Variants in PDE5A observed in about 807,000 individuals in gnomAD.
The protein encoded by PDE5A is phosphodiesterase 5A, also known as cGMP-specific 3',5'-cyclic phosphodiesterase.
PDE5A carries 67 observed loss-of-function variants against 110.2 expected under a neutral mutation model. That is an observed-to-expected ratio of 0.61 (90% CI 0.50 to 0.75). The LOEUF is 0.75. Among genes scored for constraint, PDE5A ranks in the 30% least tolerant of loss-of-function variants. The probability of loss-of-function intolerance (pLI) is 0.00; values close to 1 mark genes in which losing one functional copy is unlikely to be tolerated. For missense variants in PDE5A, 862 were observed against 1,045.1 expected (o/e 0.82, Z 2.42); for synonymous variants, 328 against 351.2 (o/e 0.93, Z 0.74).
At chr4:119,608,299 A>C (rs1404840125) in intron 1 of PDE5A, among the ~76,000 whole-genome samples, 1 of 152,210 alleles carries the variant, frequency 6.6e-6, no homozygotes, top group East Asian at 1.9e-4. Context: ...CCCTACTATG[A>C]AAGAAACTCA....
intron 3 of PDE5A, among the ~76,000 whole-genome samples, chr4:119,579,143 C>T (rs1376763742): frequency 3.3e-5 from 5 of 152,178 alleles, no homozygotes; most frequent in Middle Eastern, 3.4e-3. Context: ...AATGAGATAC[C>T]ATCTCACACC....
intron 3 of PDE5A, among the ~76,000 whole-genome samples, chr4:119,574,679 G>A (rs1728268551): frequency 6.6e-6 from 1 of 152,006 alleles, no homozygotes; most frequent in Non-Finnish European, 1.5e-5. Context: ...GCTAAAAGCT[G>A]GTTTCTTGGA....
intron 3 of PDE5A, among the ~76,000 whole-genome samples, chr4:119,575,432 G>A (rs1165643664): frequency 2.0e-5 from 3 of 152,236 alleles, no homozygotes; most frequent in African/African-American, 7.2e-5. Context: ...AGGACAGCCA[G>A]AGAGAAAGGT....
chr4:119,506,804 C>T (rs1269484651), intron 16 of PDE5A, among the ~76,000 whole-genome samples: 2 of 151,886 alleles, frequency 1.3e-5, no homozygotes, highest in Non-Finnish European at 2.9e-5. Flanking sequence ...CATGCAGTTA[C>T]TTCTAGATGT....
At chr4:119,614,426 C>A (rs1228338874) in intron 1 of PDE5A, among the ~76,000 whole-genome samples, 2 of 152,088 alleles carry the variant, frequency 1.3e-5, no homozygotes, top group African/African-American at 2.4e-5. Flanking sequence ...TCTGGCCACT[C>A]CAGTCATTCT....
At chr4:119,570,369 T>C (rs1217292036) in intron 3 of PDE5A, among the ~76,000 whole-genome samples, 2 of 152,204 alleles carry the variant, frequency 1.3e-5, no homozygotes, top group East Asian at 3.8e-4. Context: ...CTAAAAGCAT[T>C]AGCTTCCATA....
chr4:119,500,381 T>C (rs935535555), intron 20 of PDE5A: 4 of 151,542 alleles, frequency 2.6e-5, no homozygotes, highest in Non-Finnish European at 5.9e-5. Flanking sequence ...GAGTGAGAAC[T>C]GGACTGTAGA....
In PDE5A at chr4:119,524,088, A is replaced by G. The variant is rs1033513690; in HGVS notation, c.1779+1461T>C. 4.5e-4 allele frequency among the ~76,000 whole-genome samples: 68 copies of G among 152,140 alleles called. 3 individuals carry two copies. The highest frequency in any genetic ancestry group is 1.3e-4 in the Non-Finnish European group (9 of 68,002). On this transcript the variant is annotated intron_variant, in intron 12 of 20. Transcript: ENST00000354960. ...ACTCTACACCTGTTTGTTAAACAGAATATTATAGATAAGTACATACATACA... is the reference window on the plus strand; with the variant it reads ...ACTCTACACCTGTTTGTTAAACAGAGTATTATAGATAAGTACATACATACA...
intron 1 of PDE5A, among the ~76,000 whole-genome samples, chr4:119,616,290 C>T (rs184816476): frequency 2.2e-4 from 33 of 152,186 alleles, no homozygotes; most frequent in Middle Eastern, 3.4e-3. Context: ...CTTTTCCATA[C>T]GGAGCAAGCA....
At position 119,560,287 on chromosome 4, in the gene PDE5A, T is replaced by G. The variant is rs1391239861; in HGVS notation, c.1199+9A>C. 1.3e-6 allele frequency: 2 copies of G among 1,518,758 alleles called. No homozygotes were observed. The highest frequency in any genetic ancestry group is 3.6e-5 in the Admixed American group (2 of 55,842). The allele number at this position is 1,518,758 out of a possible 1,614,324, so 94.1% of individuals were successfully genotyped here. On this transcript the variant is annotated intron_variant, in intron 7 of 20. Coordinates refer to ENST00000354960, the MANE Select transcript of PDE5A (RefSeq NM_001083.4). ...GTGATAAAGACAAGTAGAGAATACG[T>G]GCTTTTACCTTGTTAATGTATCAGA...
In PDE5A at chr4:119,628,680, C is replaced by T. The variant is rs201657162; in HGVS notation, c.-9G>A. ...GGGCCGGCCCGCTCCATGGTTGGCA[C>T]CGCGCGCCTCGGAGGCTCTCTGGTA... On this transcript the variant is annotated 5_prime_UTR_variant, in exon 1 of 21. It adds an upstream start codon to the 5' untranslated region. Transcript: ENST00000354960. The T allele has an allele frequency of 3.7e-6, 6 of 1,611,046 alleles. No individual in the cohort carries two copies. In the African/African-American group the frequency reaches 8.0e-5, roughly 21 times the overall value.
chr4:119,622,145 G>A (rs1730171050), intron 1 of PDE5A, among the ~76,000 whole-genome samples: 1 of 149,742 alleles, frequency 6.7e-6, no homozygotes, highest in South Asian at 2.1e-4. Flanking sequence ...CTGCACTCCA[G>A]CCTGGGCGAC....
At chr4:119,593,917 G>T (rs1014309288) in intron 3 of PDE5A, among the ~76,000 whole-genome samples, 4 of 152,068 alleles carry the variant, frequency 2.6e-5, no homozygotes, top group African/African-American at 9.7e-5. Context: ...AGTACAAGTA[G>T]GGGAAATGCC....
At position 119,565,428 on chromosome 4, in the gene PDE5A, G is replaced by A. The variant is rs768249662; in HGVS notation, c.904-18C>T. ...GCAAAGTCCTAAAAAACAGATAATA[G>A]ACAAATAAAAACGGTACATAAAACA... On this transcript the variant is annotated intron_variant, in intron 4 of 20. Coordinates refer to ENST00000354960, the MANE Select transcript of PDE5A (RefSeq NM_001083.4). 6.4e-7 allele frequency: 1 copy of A among 1,551,258 alleles called. No individual in the cohort carries two copies. Among genetic ancestry groups the A allele is most frequent in the Non-Finnish European group, 8.9e-7 (1 of 1,124,606 alleles).
intron 11 of PDE5A, among the ~76,000 whole-genome samples, chr4:119,534,157 G>A (rs1726645106): frequency 2.0e-5 from 3 of 152,144 alleles, no homozygotes; most frequent in African/African-American, 7.2e-5. Context: ...TGTCTCAATC[G>A]ATGGTGTACA....
intron 1 of PDE5A, among the ~76,000 whole-genome samples, chr4:119,611,513 A>G (rs891067256): frequency 6.6e-6 from 1 of 152,222 alleles, no homozygotes; most frequent in Non-Finnish European, 1.5e-5. Flanking sequence ...TTGGATGTGT[A>G]AGTCTCACAA....
At chr4:119,564,248 T>C (rs1243606030) in intron 5 of PDE5A, among the ~76,000 whole-genome samples, 1 of 152,136 alleles carries the variant, frequency 6.6e-6, no homozygotes, top group Non-Finnish European at 1.5e-5. Flanking sequence ...AAAGCACTAC[T>C]TCTAAATTCT....
At chr4:119,614,733 T>C (rs1253681885) in intron 1 of PDE5A, among the ~76,000 whole-genome samples, 1 of 152,166 alleles carries the variant, frequency 6.6e-6, no homozygotes. Context: ...TGCAAACTAC[T>C]TATAAAAGGG....
At chr4:119,516,279 G>A (rs1171380569) in intron 14 of PDE5A, among the ~76,000 whole-genome samples, 1 of 152,212 alleles carries the variant, frequency 6.6e-6, no homozygotes, top group Non-Finnish European at 1.5e-5. Flanking sequence ...ATTACTTCAT[G>A]AGACTATGAC....
Sources: allele counts gnomAD v4.1 joint callset (sites outside exome capture counted in the v4.1 genomes callset), GRCh38; gene constraint gnomAD v4.1.1; transcripts MANE v1.5; gene names NCBI Gene and HGNC (gene_info 2026-07-23, HGNC 2026-07-21).